DNAH11: variants seen among roughly 807,000 people sequenced by gnomAD.
DNAH11 encodes the protein dynein axonemal heavy chain 11.
In DNAH11, 442 loss-of-function variants were observed where a neutral mutation model predicts 526.0. That is an observed-to-expected ratio of 0.84 (90% CI 0.78 to 0.91). The LOEUF is 0.91. Ranked by LOEUF, DNAH11 falls within the 40% of genes least tolerant of loss-of-function variation. DNAH11 has a pLI of 0.00. For synonymous variants in DNAH11, 2,461 were observed against 1,935.9 expected (o/e 1.27, Z -7.12); for missense variants, 6,989 against 5,448.7 (o/e 1.28, Z -8.90).
chr7:21,583,099 A>G (rs756595146), intron 9 of DNAH11, among the ~76,000 whole-genome samples: 6 of 152,204 alleles, frequency 3.9e-5, no homozygotes, highest in Non-Finnish European at 7.4e-5. Flanking sequence ...TAAATTTCAT[A>G]TGGAACTGAA....
intron 37 of DNAH11, among the ~76,000 whole-genome samples, chr7:21,704,223 G>T (rs1784172349): frequency 6.6e-6 from 1 of 152,158 alleles, no homozygotes; most frequent in South Asian, 2.1e-4. Context: ...TTATTCTAAG[G>T]ATTGTTCATT....
At position 21,686,951 on chromosome 7, in the gene DNAH11, T is replaced by A. The variant is rs1488445903; in HGVS notation, c.5622-148T>A. 4 of 600,446 alleles carry A rather than the reference T, an allele frequency of 6.7e-6. No individual in the cohort carries two copies. The African/African-American group carries it at 7.6e-5, about 11-fold the overall frequency. The allele number at this position is 600,446 out of a possible 1,614,324, so 37.2% of individuals were successfully genotyped here. On this transcript the variant is annotated intron_variant, in intron 32 of 81. Transcript: ENST00000409508. ...TGATAGAAAATATTCTGATTCATTA[T>A]TGCCATGAACAAATCAGAAGTATAT...
chr7:21,765,745 T>A (rs550923880), intron 55 of DNAH11, among the ~76,000 whole-genome samples, 156 bp downstream of exon 55: 19 of 152,286 alleles, frequency 1.2e-4, no homozygotes, highest in Non-Finnish European at 2.2e-4. Flanking sequence ...GCTAAACTTA[T>A]CTGTTAGTTT....
At chr7:21,636,640 A>C (rs1171560209) in intron 26 of DNAH11, among the ~76,000 whole-genome samples, 1 of 152,096 alleles carries the variant, frequency 6.6e-6, no homozygotes, top group African/African-American at 2.4e-5. Context: ...TGGGAGGCTG[A>C]GGTGGGAGGA....
rs1343095816 is a variant in DNAH11 at position 21,880,402 on chromosome 7, C to T, written c.12196-300C>T. On this transcript the variant is annotated intron_variant, in intron 74 of 81. Coordinates refer to ENST00000409508, the MANE Select transcript of DNAH11 (RefSeq NM_001277115.2). The stretch of plus-strand genomic sequence containing the variant: ...TCCAGATTCTGCGAAGAAAATTTTG[C>T]AGAGGAAAATGATGTCAAGCAGTAT... Among the ~76,000 whole-genome samples the T allele has an allele frequency of 3.3e-5, 5 of 152,160 alleles. No individual in the cohort carries two copies. In the East Asian group the frequency reaches 7.7e-4, roughly 24 times the overall value.
intron 73 of DNAH11, 93 bp downstream of exon 73, chr7:21,869,084 C>T (rs563982847): frequency 3.6e-5 from 55 of 1,549,270 alleles, no homozygotes; most frequent in Non-Finnish European, 4.3e-5. Context: ...CCCTTAACAC[C>T]GCTGTGCATG....
In DNAH11 at chr7:21,599,983, TTG is replaced by T; in HGVS notation, c.2868_2869del (p.Phe957Ter). ...CAAATGATCTTGTTGCCTCCTGAGA[TTG>T]TGTTTAAACCTTCCCTAGACAGAGA... On this transcript the variant is annotated frameshift_variant, in exon 15 of 82. Coordinates refer to ENST00000409508, the MANE Select transcript of DNAH11 (RefSeq NM_001277115.2). LOFTEE classifies it high-confidence loss of function. 1.9e-6 allele frequency: 3 copies of T among 1,613,772 alleles called. No individual in the cohort carries two copies. The highest frequency in any genetic ancestry group is 2.5e-6 in the Non-Finnish European group (3 of 1,179,810).
intron 25 of DNAH11, among the ~76,000 whole-genome samples, chr7:21,623,119 CAA>C (rs1786157648): frequency 6.6e-6 from 1 of 151,832 alleles, no homozygotes; most frequent in African/African-American, 2.4e-5. Context: ...AACAAATTTA[CAA>C]GAAAAAAACA....
chr7:21,701,311 A>T (rs1328893166), intron 36 of DNAH11, among the ~76,000 whole-genome samples: 1 of 146,318 alleles, frequency 6.8e-6, no homozygotes, highest in Non-Finnish European at 1.5e-5. Flanking sequence ...TTTTTTTGAG[A>T]CAGTGCCTCG....
chr7:21,849,221 G>A (rs1331522949), intron 66 of DNAH11, among the ~76,000 whole-genome samples: 1 of 152,090 alleles, frequency 6.6e-6, no homozygotes, highest in African/African-American at 2.4e-5. Context: ...CTGCCTCATT[G>A]GTAATGCAGT....
chr7:21,704,633 AAGG>A lies in DNAH11; in HGVS notation c.6468+8_6468+10del, dbSNP rs776260559. On this transcript the variant is annotated splice_donor_region_variant and intron_variant, in intron 38 of 81. Transcript: ENST00000409508. ...GAAGAGAGCTTCATCCTCAAAGTAA[AAGG>A]AGCATTTGCTTTTCATGGCAGCTGT... 29 of 1,586,508 alleles carry A rather than the reference AAGG, an allele frequency of 1.8e-5. No individual in the cohort carries two copies. The highest frequency in any genetic ancestry group is 1.7e-4 in the Middle Eastern group (1 of 5,894).
At chr7:21,739,248 C>T (rs1346797062) in intron 47 of DNAH11, among the ~76,000 whole-genome samples, 1 of 152,190 alleles carries the variant, frequency 6.6e-6, no homozygotes, top group Non-Finnish European at 1.5e-5. Flanking sequence ...CAATTAACTA[C>T]AGGGACAGCC....
chr7:21,713,579 A>G (rs1380181509), intron 42 of DNAH11, among the ~76,000 whole-genome samples: 1 of 152,016 alleles, frequency 6.6e-6, no homozygotes, highest in Non-Finnish European at 1.5e-5. Context: ...TTGGCATGGT[A>G]CTGTCCCTTC....
At chr7:21,641,323 G>T (rs986424069) in intron 28 of DNAH11, among the ~76,000 whole-genome samples, 4 of 152,152 alleles carry the variant, frequency 2.6e-5, no homozygotes, top group Non-Finnish European at 5.9e-5. Context: ...CGTCGTGGCT[G>T]ATAATTCACA....
rs762365911 is a variant in DNAH11, at chr7:21,778,996, C to T, written c.9375C>T (p.Ala3125=). The change falls in exon 57 of 82, where the codon GCC becomes GCT. Residue 3125 remains alanine (A), a synonymous_variant. Transcript: ENST00000409508. ...AAGCCAGACTTGCCTCTCAAGAAGC[C>T]GAGCTGCAACTGAGAAATCATGATG... ...DLKARLASQE[A]ELQLRNHDAE... The T allele has an allele frequency of 4.3e-6, 7 of 1,613,168 alleles. No homozygotes were observed. The highest frequency in any genetic ancestry group is 2.2e-5 in the East Asian group (1 of 44,834).
intron 39 of DNAH11, among the ~76,000 whole-genome samples, chr7:21,706,644 T>C (rs1784274185): frequency 6.6e-6 from 1 of 152,218 alleles, no homozygotes; most frequent in African/African-American, 2.4e-5. Flanking sequence ...ATAAGCTTAA[T>C]ATTCCTAAGG....
chr7:21,786,028 T>C (rs1237391976), intron 58 of DNAH11, among the ~76,000 whole-genome samples: 4 of 152,224 alleles, frequency 2.6e-5, no homozygotes, highest in African/African-American at 9.6e-5. Flanking sequence ...CTGATACATA[T>C]AATTTATACT....
chr7:21,788,478 A>G (rs1028359080), intron 60 of DNAH11, among the ~76,000 whole-genome samples: 15 of 152,004 alleles, frequency 9.9e-5, no homozygotes, highest in African/African-American at 3.6e-4. Context: ...CTACTTGTAC[A>G]GTAGGTGAAA....
At chr7:21,568,507 G>A (rs1174986898) in intron 6 of DNAH11, among the ~76,000 whole-genome samples, 1 of 152,154 alleles carries the variant, frequency 6.6e-6, no homozygotes, top group African/African-American at 2.4e-5. Context: ...CCTGCGTCGG[G>A]TCATGCTTTT....
Sources: gnomAD v4.1 joint callset for allele counts (sites outside exome capture counted in the v4.1 genomes callset) on GRCh38, gnomAD v4.1.1 for gene constraint, MANE v1.5 for transcripts, NCBI Gene and HGNC (gene_info 2026-07-23, HGNC 2026-07-21) for gene names.